Variants in GPR101 observed in about 807,000 individuals in gnomAD.
GPR101 encodes the protein G protein-coupled receptor 101.
In GPR101, 8 loss-of-function variants were observed where a neutral mutation model predicts 16.4. The observed-to-expected ratio is 0.49, with a 90% CI of 0.29 to 0.88. The LOEUF is 0.88. Among genes scored for constraint, GPR101 ranks in the 40% least tolerant of loss-of-function variants. The pLI is 0.09. For synonymous variants in GPR101, 155 were observed against 168.7 expected (o/e 0.92, Z 0.63); for missense variants, 375 against 411.7 (o/e 0.91, Z 0.77).
chrX:137,033,296 G>T (rs1490850979), intron 1 of GPR101, among the ~76,000 whole-genome samples: 1 of 109,247 alleles, frequency 9.2e-6, no homozygotes, highest in East Asian at 2.9e-4. Context: ...CAGGGGTGCA[G>T]GGTGGTGGAG....
intron 1 of GPR101, among the ~76,000 whole-genome samples, chrX:137,032,600 C>T (rs183284848): frequency 5.0e-4 from 55 of 110,822 alleles, no homozygotes; most frequent in Non-Finnish European, 9.3e-4. Context: ...GTGTCTCTGC[C>T]CGTCTCCGTG....
rs1227893888 is a variant in GPR101 at position 137,033,851 on chromosome X, G to T, written c.-142C>A. Among the ~76,000 whole-genome samples, 2 of 112,027 alleles carry T rather than the reference G, an allele frequency of 1.8e-5. No individual in the cohort carries two copies. The highest frequency in any genetic ancestry group is 3.8e-5 in the Non-Finnish European group (2 of 52,892). On this transcript the variant is annotated 5_prime_UTR_variant, in exon 1 of 2. Transcript: ENST00000651716. Reference sequence around the variant, plus strand: ...CGCGGGCGCCGCGTGCAGGTCCTTCGGGGCTCCTCGCGCTCGTCCCGGCCG... The same window carrying T: ...CGCGGGCGCCGCGTGCAGGTCCTTCTGGGCTCCTCGCGCTCGTCCCGGCCG...
chrX:137,024,191 C>A lies in GPR101; in HGVS notation c.*5957G>T, dbSNP rs1927134218. Among the ~76,000 whole-genome samples the A allele has an allele frequency of 8.9e-6, 1 of 112,196 alleles. No homozygotes were observed. The highest frequency in any genetic ancestry group is 3.7e-4 in the South Asian group (1 of 2,695). On this transcript the variant is annotated 3_prime_UTR_variant, in exon 2 of 2. Coordinates refer to ENST00000651716, the MANE Select transcript of GPR101 (RefSeq NM_054021.2). ...TTGGCCTTGGGCAGAATCTCTGGGACTGCTGGCCCATGTAATAGTGTTGAT... is the reference window on the plus strand; with the variant it reads ...TTGGCCTTGGGCAGAATCTCTGGGAATGCTGGCCCATGTAATAGTGTTGAT...
At position 137,027,278 on chromosome X, in the gene GPR101, C is replaced by T. The variant is rs1283964630; in HGVS notation, c.*2870G>A. 2.1e-5 allele frequency among the ~76,000 whole-genome samples: 2 copies of T among 95,584 alleles called. No homozygotes were observed. The highest frequency in any genetic ancestry group is 2.7e-4 in the Admixed American group (2 of 7,445). 83.0% of individuals were successfully genotyped at this position (95,584 alleles called of 115,157 possible). A position where few individuals can be genotyped will look rare whatever the true frequency, so the allele number is the denominator to read the frequency against. ...CATTTCATAGTCTGGTTTGTCTGGC[C>T]CCTGTACTTTAATGGGATTTTTTTT... On this transcript the variant is annotated 3_prime_UTR_variant, in exon 2 of 2. Coordinates refer to ENST00000651716, the MANE Select transcript of GPR101 (RefSeq NM_054021.2).
chrX:137,024,154 A>G lies in GPR101; in HGVS notation c.*5994T>C, dbSNP rs1927134027. On this transcript the variant is annotated 3_prime_UTR_variant, in exon 2 of 2. Coordinates refer to ENST00000651716, the MANE Select transcript of GPR101 (RefSeq NM_054021.2). ...GAAAGGATCCAATTAAAGCCAACCA[A>G]TATGTGAAACCTTGGCCTTGGGCAG... Among the ~76,000 whole-genome samples the G allele has an allele frequency of 8.9e-6, 1 of 112,604 alleles. No individual in the cohort carries two copies. The highest frequency in any genetic ancestry group is 3.2e-5 in the African/African-American group (1 of 30,996).
intron 1 of GPR101, among the ~76,000 whole-genome samples, chrX:137,033,058 C>G (rs1395078187): frequency 1.8e-5 from 2 of 111,477 alleles, no homozygotes; most frequent in Admixed American, 9.5e-5. Context: ...TGGAAACCAC[C>G]TGCCGCCCCG....
At position 137,030,159 on chromosome X, in the gene GPR101, TAGC is replaced by T. The variant is rs1379786512; in HGVS notation, c.1513_1515del (p.Ala505del). 8.5e-7 allele frequency: 1 copy of T among 1,176,861 alleles called. No homozygotes were observed. Among genetic ancestry groups the T allele is most frequent in the South Asian group, 2.0e-5 (1 of 50,303 alleles). On this transcript the variant is annotated inframe_deletion, in exon 2 of 2. Transcript: ENST00000651716. Reference sequence around the variant, plus strand: ...CCTTAGAACTAACTTCAAGGAAAAGTAGCAGAATCGTAGGAAGGGACAATCTTG... The same window carrying T: ...CCTTAGAACTAACTTCAAGGAAAAGTAGAATCGTAGGAAGGGACAATCTTG...
Position 137,030,917 on chromosome X carries a change from T to C in GPR101, c.758A>G (p.Lys253Arg). The change falls in exon 2 of 2, where the codon AAG becomes AGG. Residue 253 changes from lysine to arginine, a missense_variant. Transcript: ENST00000651716. ...ENEDEEGAEK[K>R]EEFQDESEFR... ...CTCACTCTCATCCTGGAACTCCTCC[T>C]TCTTCTCTGCTCCCTCTTCATCCTC... is the stretch of plus-strand genomic sequence containing the variant. The C allele has an allele frequency of 8.3e-7, 1 of 1,211,960 alleles. No individual in the cohort carries two copies. Among genetic ancestry groups the C allele is most frequent in the Non-Finnish European group, 1.1e-6 (1 of 895,582 alleles).
chrX:137,030,972 C>T lies in GPR101; in HGVS notation c.703G>A (p.Glu235Lys). The T allele has an allele frequency of 4.9e-6, 6 of 1,212,190 alleles. No homozygotes were observed. Among genetic ancestry groups the T allele is most frequent in the Non-Finnish European group, 5.6e-6 (5 of 895,537 alleles). Residue 235 changes from glutamate (E) to lysine (K), a missense_variant, in exon 2 of 2, where the codon GAA becomes AAA. Glu to Lys is a moderately conservative substitution (Grantham distance 56). Transcript: ENST00000651716. ...TCCACACAGTCCTTGACTCGCACTT[C>T]CAAGCTGTGTCTCTTGACATTGTAC... Reference protein sequence around the residue: ...LLYNVKRHSLEVRVKDCVENE... With the variant: ...LLYNVKRHSLKVRVKDCVENE...
Position 137,029,854 on chromosome X carries a change from G to T in GPR101, c.*294C>A, listed in dbSNP as rs1250418598. 8.9e-6 allele frequency among the ~76,000 whole-genome samples: 1 copy of T among 112,372 alleles called. No individual in the cohort carries two copies. The highest frequency in any genetic ancestry group is 2.8e-4 in the East Asian group (1 of 3,602). On this transcript the variant is annotated 3_prime_UTR_variant, in exon 2 of 2. Transcript: ENST00000651716. Reference sequence around the variant, plus strand: ...GCATGTTGTAGCTCTGGAAAAGATAGAATACCAACTACAAGTCCAAAATGG... The same window carrying T: ...GCATGTTGTAGCTCTGGAAAAGATATAATACCAACTACAAGTCCAAAATGG...
Position 137,025,869 on chromosome X carries a change from G to A in GPR101, c.*4279C>T, listed in dbSNP as rs1447862826. Among the ~76,000 whole-genome samples, 2 of 112,908 alleles carry A rather than the reference G, an allele frequency of 1.8e-5. No homozygotes were observed. The highest frequency in any genetic ancestry group is 2.8e-4 in the East Asian group (1 of 3,631). ...GCTGTAAGCAAGCTGGGCATTTGAC[G>A]TAGAGGAAGAGATCATTGCTAAGTA... is the stretch of plus-strand genomic sequence containing the variant. On this transcript the variant is annotated 3_prime_UTR_variant, in exon 2 of 2. Transcript: ENST00000651716.
rs1279687304 is a variant in GPR101 at position 137,025,572 on chromosome X, AT to A, written c.*4575del. ...ATTTTAGAACAAGACAGATAGAATA[AT>A]TATTCCTCAGACATAGTAAACCTCC... On this transcript the variant is annotated 3_prime_UTR_variant, in exon 2 of 2. Transcript: ENST00000651716. 1.8e-5 allele frequency among the ~76,000 whole-genome samples: 2 copies of A among 112,561 alleles called. No individual in the cohort carries two copies. The highest frequency in any genetic ancestry group is 6.5e-5 in the African/African-American group (2 of 30,974).
chrX:137,032,313 C>T (rs1418021035), intron 1 of GPR101, among the ~76,000 whole-genome samples: 1 of 110,766 alleles, frequency 9.0e-6, no homozygotes, highest in Non-Finnish European at 1.9e-5. Flanking sequence ...GTTTGTCACT[C>T]AGTCTCTCTG....
In GPR101 at chrX:137,030,909, A is replaced by G. The variant is rs900943965; in HGVS notation, c.766T>C (p.Phe256Leu). The change falls in exon 2 of 2, where the codon TTC (phenylalanine) becomes CTC (leucine). Residue 256 changes from phenylalanine (F) to leucine (L), a missense_variant. Physicochemically the swap from Phe to Leu is conservative, Grantham distance 22. Coordinates refer to ENST00000651716, the MANE Select transcript of GPR101 (RefSeq NM_054021.2). Reference sequence around the variant, plus strand: ...CGGCGAAACTCACTCTCATCCTGGAACTCCTCCTTCTTCTCTGCTCCCTCT... The same window carrying G: ...CGGCGAAACTCACTCTCATCCTGGAGCTCCTCCTTCTTCTCTGCTCCCTCT... ...DEEGAEKKEE[F>L]QDESEFRRQH... 1 of 1,209,298 alleles carries G rather than the reference A, an allele frequency of 8.3e-7. No individual in the cohort carries two copies. Among genetic ancestry groups the G allele is most frequent in the Non-Finnish European group, 1.1e-6 (1 of 894,788 alleles).
rs767263132 is a variant in GPR101, at chrX:137,031,256, G to C, written c.419C>G (p.Pro140Arg). ...ACCGCGGCGCTGGGTCATCTTGGACGGGTAGGAGAGAGGGTGGATGATGGA... is the reference window on the plus strand; with the variant it reads ...ACCGCGGCGCTGGGTCATCTTGGACCGGTAGGAGAGAGGGTGGATGATGGA... ...YLSIIHPLSY[P>R]SKMTQRRGYL... The change falls in exon 2 of 2, where the codon CCG (proline) becomes CGG (arginine). Residue 140 changes from proline to arginine, a missense_variant. Physicochemically the swap from Pro to Arg is moderately radical, Grantham distance 103. Coordinates refer to ENST00000651716, the MANE Select transcript of GPR101 (RefSeq NM_054021.2). The C allele has an allele frequency of 1.7e-6, 2 of 1,209,935 alleles. No homozygotes were observed. Among genetic ancestry groups the C allele is most frequent in the African/African-American group, 3.5e-5 (2 of 57,268 alleles).
chrX:137,033,113 G>A (rs1927298970), intron 1 of GPR101, among the ~76,000 whole-genome samples: 1 of 111,017 alleles, frequency 9.0e-6, no homozygotes, highest in Non-Finnish European at 1.9e-5. Context: ...TATCAGCAGT[G>A]CAATGGAGAC....
At position 137,031,017 on chromosome X, in the gene GPR101, G is replaced by A. The variant is rs774570365; in HGVS notation, c.658C>T (p.Arg220Trp). 2 of 1,211,979 alleles carry A rather than the reference G, an allele frequency of 1.7e-6. No individual in the cohort carries two copies. The highest frequency in any genetic ancestry group is 1.8e-5 in the South Asian group (1 of 57,015). Residue 220 changes from arginine (R) to tryptophan (W), a missense_variant, in exon 2 of 2, where the codon CGG becomes TGG. Coordinates refer to ENST00000651716, the MANE Select transcript of GPR101 (RefSeq NM_054021.2). ...ACYSVVFCAARRQHALLYNVK... is the reference protein window; with the variant it reads ...ACYSVVFCAAWRQHALLYNVK... ...TTGTACAGCAGAGCATGCTGCCTCC[G>A]GGCTGCACAGAACACCACGGAGTAG...
rs986315714 is a variant in GPR101, at chrX:137,028,772, G to C, written c.*1376C>G. Among the ~76,000 whole-genome samples, 1 of 112,485 alleles carries C rather than the reference G, an allele frequency of 8.9e-6. No individual in the cohort carries two copies. The highest frequency in any genetic ancestry group is 3.2e-5 in the African/African-American group (1 of 30,979). On this transcript the variant is annotated 3_prime_UTR_variant, in exon 2 of 2. Transcript: ENST00000651716. ...GATTTGAGGAATGTTCCTGTGAATT[G>C]ACCCTAGGGATAATTTAGATATTGT... is the stretch of plus-strand genomic sequence containing the variant.
Position 137,026,691 on chromosome X carries a change from T to TA in GPR101, c.*3456dup, listed in dbSNP as rs1214771496. Among the ~76,000 whole-genome samples, 3 of 112,094 alleles carry TA rather than the reference T, an allele frequency of 2.7e-5. No individual in the cohort carries two copies. The highest frequency in any genetic ancestry group is 9.5e-5 in the Admixed American group (1 of 10,582). On this transcript the variant is annotated 3_prime_UTR_variant, in exon 2 of 2. Coordinates refer to ENST00000651716, the MANE Select transcript of GPR101 (RefSeq NM_054021.2). Reference sequence around the variant, plus strand: ...TGTGTAATATCGAGTGCTTTTTTGGTAAAAAATTAGGTGCCTACCTTCTAC... The same window carrying TA: ...TGTGTAATATCGAGTGCTTTTTTGGTAAAAAAATTAGGTGCCTACCTTCTAC...
Sources: allele counts gnomAD v4.1 joint callset (sites outside exome capture counted in the v4.1 genomes callset), GRCh38; gene constraint gnomAD v4.1.1; transcripts MANE v1.5; gene names NCBI Gene and HGNC (gene_info 2026-07-23, HGNC 2026-07-21).